Variants in QTGAL observed in about 807,000 individuals in gnomAD.
QTGAL encodes BGnT-like protein 1.
At chr17:82,963,047 G>A in the QTGAL span, among the ~76,000 whole-genome samples, 1 of 152,210 alleles carries the variant, frequency 6.6e-6, no homozygotes. Context: ...GCAGGGAGAG[G>A]GGGAGGGGTC....
At chr17:82,946,852 A>C in the QTGAL span, 1 of 1,495,926 alleles carries the variant, frequency 6.7e-7, no homozygotes. Flanking sequence ...AAACAAACCC[A>C]GATGGTTCTT....
the QTGAL span, among the ~76,000 whole-genome samples, chr17:82,963,010 T>G: frequency 6.6e-6 from 1 of 152,102 alleles, no homozygotes; most frequent in Admixed American, 6.5e-5. Context: ...TGGACTGCCC[T>G]GTGGTGTGGA....
chr17:82,966,645 T>C, the QTGAL span, among the ~76,000 whole-genome samples: 3 of 152,238 alleles, frequency 2.0e-5, no homozygotes, highest in South Asian at 2.1e-4. Flanking sequence ...TTACAAACCA[T>C]GGCCCTCAAC....
the QTGAL span, among the ~76,000 whole-genome samples, chr17:83,027,325 GA>G: frequency 3.3e-5 from 5 of 152,332 alleles, no homozygotes; most frequent in East Asian, 9.6e-4. Flanking sequence ...ATATTCACAT[GA>G]AAAAAACTAA....
At chr17:83,038,196 C>A in the QTGAL span, among the ~76,000 whole-genome samples, 64 of 152,258 alleles carry the variant, frequency 4.2e-4, no homozygotes, top group Non-Finnish European at 2.1e-4. Context: ...GAAAAAATAT[C>A]ATTACAGGAA....
At chr17:83,017,523 C>T in the QTGAL span, among the ~76,000 whole-genome samples, 12 of 152,084 alleles carry the variant, frequency 7.9e-5, no homozygotes, top group African/African-American at 2.4e-4. Context: ...CTCAGGAAGC[C>T]GAGGTACGAG....
At chr17:82,971,120 C>A in the QTGAL span, among the ~76,000 whole-genome samples, 1 of 152,168 alleles carries the variant, frequency 6.6e-6, no homozygotes, top group East Asian at 1.9e-4. Flanking sequence ...CACAGCCACG[C>A]TGGGGGTCAA....
the QTGAL span, among the ~76,000 whole-genome samples, chr17:83,018,302 G>C: frequency 2.0e-5 from 3 of 152,066 alleles, no homozygotes; most frequent in East Asian, 5.8e-4. Context: ...GCCTGCATCA[G>C]GTACCACACA....
chr17:83,035,135 TCA>T, the QTGAL span: 2 of 1,561,198 alleles, frequency 1.3e-6, no homozygotes, highest in Non-Finnish European at 1.8e-6. Flanking sequence ...CTTTTATAAT[TCA>T]GTTTCCAGCA....
the QTGAL span, among the ~76,000 whole-genome samples, chr17:83,050,880 C>T: frequency 1.3e-5 from 2 of 150,832 alleles, no homozygotes; most frequent in Non-Finnish European, 2.9e-5. Flanking sequence ...GTATGGGGCA[C>T]GGGCATGTAT....
At chr17:82,974,550 G>A in the QTGAL span, among the ~76,000 whole-genome samples, 2 of 152,188 alleles carry the variant, frequency 1.3e-5, no homozygotes, top group African/African-American at 4.8e-5. Flanking sequence ...GCAGGAGGCT[G>A]CCAGCTGCCT....
the QTGAL span, among the ~76,000 whole-genome samples, chr17:83,012,653 C>T: frequency 2.0e-5 from 3 of 152,204 alleles, no homozygotes; most frequent in Non-Finnish European, 4.4e-5. Context: ...GTGGCAGGGA[C>T]GCCCCTTTCC....
At chr17:83,024,279 C>A in the QTGAL span, among the ~76,000 whole-genome samples, 2 of 152,228 alleles carry the variant, frequency 1.3e-5, no homozygotes, top group Non-Finnish European at 2.9e-5. Flanking sequence ...CAGCCTCCGC[C>A]CGGGGTCCTC....
chr17:83,050,027 T>G, the QTGAL span, among the ~76,000 whole-genome samples: 1 of 152,212 alleles, frequency 6.6e-6, no homozygotes, highest in East Asian at 1.9e-4. Flanking sequence ...TCAAGTTCTT[T>G]ACAAATGAAA....
At chr17:82,965,051 C>T in the QTGAL span, among the ~76,000 whole-genome samples, 1 of 146,438 alleles carries the variant, frequency 6.8e-6, no homozygotes, top group Non-Finnish European at 1.5e-5. Flanking sequence ...AGGACGGGGA[C>T]ATGGACGCCT....
At chr17:83,032,795 A>G in the QTGAL span, among the ~76,000 whole-genome samples, 2 of 152,226 alleles carry the variant, frequency 1.3e-5, no homozygotes, top group African/African-American at 4.8e-5. Flanking sequence ...AGACCCAGGC[A>G]CCAGGACAGG....
At chr17:82,960,658 G>A in the QTGAL span, among the ~76,000 whole-genome samples, 2 of 152,168 alleles carry the variant, frequency 1.3e-5, no homozygotes, top group South Asian at 2.1e-4. Flanking sequence ...TGGGTGCTGC[G>A]ATTCCCTGGC....
the QTGAL span, among the ~76,000 whole-genome samples, chr17:82,995,582 C>T: frequency 6.6e-6 from 1 of 152,014 alleles, no homozygotes; most frequent in African/African-American, 2.4e-5. Flanking sequence ...CGGGGTTTCG[C>T]TATGTTAACC....
chr17:82,953,973 A>G, the QTGAL span, among the ~76,000 whole-genome samples: 318 of 152,292 alleles, frequency 2.1e-3, no homozygotes, highest in Middle Eastern at 0.01. Context: ...AACTCCCAAT[A>G]CACTAGGTAT....
Sources: allele counts gnomAD v4.1 joint callset (sites outside exome capture counted in the v4.1 genomes callset), GRCh38; gene constraint gnomAD v4.1.1; transcripts MANE v1.5; gene names NCBI Gene and HGNC (gene_info 2026-07-23, HGNC 2026-07-21).